Variants in KRR1 observed in about 807,000 individuals in gnomAD.
The protein encoded by KRR1 is KRR1 small subunit processome component homolog.
Under a neutral mutation model 50.0 loss-of-function variants are expected in KRR1, and 23 were observed. That is an observed-to-expected ratio of 0.46 (90% CI 0.33 to 0.65). KRR1 has a LOEUF of 0.65. Among genes scored for constraint, KRR1 ranks in the 30% least tolerant of loss-of-function variants. The pLI, the probability that KRR1 is intolerant of heterozygous loss-of-function variation, is 0.02. For synonymous variants in KRR1, 133 were observed against 146.3 expected (o/e 0.91, Z 0.66); for missense variants, 419 against 442.4 (o/e 0.95, Z 0.47).
At chr12:75,506,454 G>C (rs772093597) in intron 4 of KRR1, 30 bp downstream of exon 4, 10 of 1,604,846 alleles carry the variant, frequency 6.2e-6, no homozygotes, top group Non-Finnish European at 7.6e-6. Context: ...TTAAGGAAGA[G>C]ACTCAAGTTT....
chr12:75,500,189 T>C, intron 9 of KRR1: 1 of 271,748 alleles, frequency 3.7e-6, no homozygotes, highest in Non-Finnish European at 6.8e-6. Context: ...AGTACAAGTA[T>C]ACATAAAAAT....
In KRR1 at chr12:75,498,707, A is replaced by T; in HGVS notation, c.*1102T>A. Reference sequence around the variant, plus strand: ...CTAACTTTACAGTTAACCGACAGCGAGACCAAGTCAAACGTACGTACATCA... The same window carrying T: ...CTAACTTTACAGTTAACCGACAGCGTGACCAAGTCAAACGTACGTACATCA... On this transcript the variant is annotated 3_prime_UTR_variant, in exon 10 of 10. Coordinates refer to ENST00000229214, the MANE Select transcript of KRR1 (RefSeq NM_007043.7). The T allele has an allele frequency of 6.2e-7, 1 of 1,612,976 alleles. No homozygotes were observed. The highest frequency in any genetic ancestry group is 8.5e-7 in the Non-Finnish European group (1 of 1,179,144).
At chr12:75,506,630 A>AAAAAAAG in intron 3 of KRR1, 21 bp from the exon 4 acceptor site, 1 of 1,551,824 alleles carries the variant, frequency 6.4e-7, no homozygotes, top group Non-Finnish European at 8.6e-7. Context: ...AAAAAAAAAA[A>AAAAAAAG]AAAGAAGACA....
At position 75,498,924 on chromosome 12, in the gene KRR1, T is replaced by C; in HGVS notation, c.*885A>G. The C allele has an allele frequency of 1.9e-6, 3 of 1,607,708 alleles. No homozygotes were observed. The highest frequency in any genetic ancestry group is 2.6e-6 in the Non-Finnish European group (3 of 1,174,768). ...ATTCAGTAATTCTAATACTGTCTGT[T>C]ATAATTACCATTTTGGTACAGCACA... is the stretch of plus-strand genomic sequence containing the variant. On this transcript the variant is annotated 3_prime_UTR_variant, in exon 10 of 10. Coordinates refer to ENST00000229214, the MANE Select transcript of KRR1 (RefSeq NM_007043.7).
intron 5 of KRR1, 67 bp downstream of exon 5, chr12:75,506,249 A>G: frequency 1.1e-6 from 1 of 951,460 alleles, no homozygotes; most frequent in Admixed American, 2.5e-5. Context: ...TTATCCAATA[A>G]ACTATATTAT....
chr12:75,509,244 C>A (rs1313511613), intron 1 of KRR1, among the ~76,000 whole-genome samples: 2 of 152,132 alleles, frequency 1.3e-5, no homozygotes, highest in African/African-American at 2.4e-5. Flanking sequence ...AAGGTATGAT[C>A]CATAGACTTG....
chr12:75,508,479 T>C, intron 1 of KRR1, 33 bp from the exon 2 acceptor site: 1 of 1,526,484 alleles, frequency 6.6e-7, no homozygotes, highest in Admixed American at 2.0e-5. Flanking sequence ...ACATCACATT[T>C]TAACTGTCTT....
intron 6 of KRR1, among the ~76,000 whole-genome samples, 167 bp downstream of exon 6, chr12:75,505,031 T>C (rs1017832137): frequency 6.6e-6 from 1 of 152,030 alleles, no homozygotes; most frequent in South Asian, 2.1e-4. Context: ...CCTACAAAAC[T>C]GGGGTAGAAT....
In KRR1 at chr12:75,511,475, T is replaced by C. The variant is rs1005610882; in HGVS notation, c.85+38A>G. On this transcript the variant is annotated intron_variant, in intron 1 of 9. Transcript: ENST00000229214. The stretch of plus-strand genomic sequence containing the variant: ...AAGAAAAAAACATCGCAACTCAACG[T>C]ACACAAACCCCAGGCTTCGGTTCCC... The C allele has an allele frequency of 4.5e-6, 7 of 1,569,088 alleles. No homozygotes were observed. In the Admixed American group the frequency reaches 8.5e-5, roughly 19 times the overall value.
At chr12:75,506,231 A>C (rs942304118) in intron 5 of KRR1, 85 bp downstream of exon 5, 12 of 756,286 alleles carry the variant, frequency 1.6e-5, no homozygotes, top group Non-Finnish European at 2.5e-5. Context: ...AAATAAAATT[A>C]TAAAGCATTA....
chr12:75,498,682 C>CTAACT lies in KRR1; in HGVS notation c.*1122_*1126dup, dbSNP rs1555240455. The CTAACT allele has an allele frequency of 1.2e-6, 2 of 1,609,238 alleles. No homozygotes were observed. Among genetic ancestry groups the CTAACT allele is most frequent in the South Asian group, 1.1e-5 (1 of 90,966 alleles). On this transcript the variant is annotated 3_prime_UTR_variant, in exon 10 of 10. Transcript: ENST00000229214. ...TTTTAATTTTTTTTCTTTCTTCCCC[C>CTAACT]TAACTTTACAGTTAACCGACAGCGA...
Position 75,506,616 on chromosome 12 carries a change from C to CCAAAAAAAA in KRR1, c.394-8_394-7insTTTTTTTTG. The stretch of plus-strand genomic sequence containing the variant: ...CCTGAAGAATTCGTACTGCCTTTTG[C>CCAAAAAAAA]AAAAAAAAAAAAAAAAAGAAGACAT... On this transcript the variant is annotated splice_polypyrimidine_tract_variant and splice_region_variant and intron_variant, in intron 3 of 9. Coordinates refer to ENST00000229214, the MANE Select transcript of KRR1 (RefSeq NM_007043.7). 1 of 1,368,352 alleles carries CCAAAAAAAA rather than the reference C, an allele frequency of 7.3e-7. No homozygotes were observed. The highest frequency in any genetic ancestry group is 9.5e-7 in the Non-Finnish European group (1 of 1,053,538). 84.8% of individuals were successfully genotyped at this position (1,368,352 alleles called of 1,614,324 possible). A position where few individuals can be genotyped will look rare whatever the true frequency, so the allele number is the denominator to read the frequency against.
rs1272825497 is a variant in KRR1, at chr12:75,508,315, T to C, written c.217A>G (p.Lys73Glu). 1.2e-6 allele frequency: 2 copies of C among 1,613,488 alleles called. No homozygotes were observed. The highest frequency in any genetic ancestry group is 1.7e-6 in the Non-Finnish European group (2 of 1,179,692). The change falls in exon 2 of 10, where the codon AAA (lysine) becomes GAA (glutamate). Residue 73 changes from lysine to glutamate, a missense_variant. By Grantham distance (56) the Lys-to-Glu change is moderately conservative. Coordinates refer to ENST00000229214, the MANE Select transcript of KRR1 (RefSeq NM_007043.7). ...LFPKYREAYL[K>E]ECWPLVQKAL... ...TTCTGCACCAATGGCCAACACTCTT[T>C]CAAGTAAGCTTCCCTGTATTTTGGG...
intron 5 of KRR1, among the ~76,000 whole-genome samples, chr12:75,505,525 G>A (rs1016261185): frequency 1.3e-5 from 2 of 152,010 alleles, no homozygotes; most frequent in African/African-American, 2.4e-5. Context: ...AGGAGGAAGA[G>A]GGCTGGAATA....
chr12:75,509,759 ATTTT>A (rs141358671), intron 1 of KRR1, among the ~76,000 whole-genome samples: 1 of 140,230 alleles, frequency 7.1e-6, no homozygotes, highest in African/African-American at 2.6e-5. Context: ...TGTCCGGCTA[ATTTT>A]TTTTTTTTTT....
intron 9 of KRR1, 27 bp from the exon 10 acceptor site, chr12:75,499,978 G>C: frequency 6.4e-7 from 1 of 1,553,704 alleles, no homozygotes; most frequent in East Asian, 2.4e-5. Context: ...CACAACACAT[G>C]TAATACTTTA....
chr12:75,510,180 T>C (rs900449793), intron 1 of KRR1, among the ~76,000 whole-genome samples: 2 of 152,166 alleles, frequency 1.3e-5, no homozygotes, highest in African/African-American at 4.8e-5. Flanking sequence ...AATGACAACT[T>C]TCGTCCACTC....
intron 2 of KRR1, 93 bp downstream of exon 2, chr12:75,508,181 T>TAAAA: frequency 4.5e-6 from 3 of 673,198 alleles, no homozygotes; most frequent in Non-Finnish European, 6.5e-6. Context: ...TTAGCACCAT[T>TAAAA]AAAAAAAAAA....
chr12:75,501,628 A>G, intron 9 of KRR1, 95 bp downstream of exon 9: 2 of 780,806 alleles, frequency 2.6e-6, no homozygotes. Context: ...GAACTGATGA[A>G]AAGATACAAC....
Sources: allele counts gnomAD v4.1 joint callset (sites outside exome capture counted in the v4.1 genomes callset), GRCh38; gene constraint gnomAD v4.1.1; transcripts MANE v1.5; gene names NCBI Gene and HGNC (gene_info 2026-07-23, HGNC 2026-07-21).